Variants in TMEM181 observed in about 807,000 individuals in gnomAD.
TMEM181 encodes the protein G protein-coupled receptor 178.
In TMEM181, 39 loss-of-function variants were observed where a neutral mutation model predicts 71.9. That is an observed-to-expected ratio of 0.54 (90% confidence interval 0.42 to 0.71). The LOEUF is 0.71. Ranked by LOEUF, TMEM181 falls within the 30% of genes least tolerant of loss-of-function variation. The pLI is 0.00. For synonymous variants in TMEM181, 245 were observed against 228.8 expected (o/e 1.07, Z -0.64); for missense variants, 595 against 583.0 (o/e 1.02, Z -0.21).
At chr6:158,608,216 C>T (rs1489422183) in intron 8 of TMEM181, 117 bp from the exon 9 acceptor site, 2 of 725,726 alleles carry the variant, frequency 2.8e-6, no homozygotes, top group African/African-American at 2.5e-5. Context: ...AGGTGCTGAC[C>T]CCGCAGAGGT....
chr6:158,552,051 T>A (rs1781738295), intron 1 of TMEM181, among the ~76,000 whole-genome samples: 1 of 152,198 alleles, frequency 6.6e-6, no homozygotes, highest in Non-Finnish European at 1.5e-5. Context: ...CACCGTGAAA[T>A]AATAGTTATT....
chr6:158,557,983 G>A (rs376089634), upstream of TMEM181, among the ~76,000 whole-genome samples: 21 of 152,216 alleles, frequency 1.4e-4, no homozygotes, highest in African/African-American at 5.1e-4. Context: ...CGAGTATGAC[G>A]GGAGAAGAGG....
At chr6:158,605,128 AAAAGTGTGTGTGT>A in intron 6 of TMEM181, 126 bp from the exon 7 acceptor site, 15 of 388,424 alleles carry the variant, frequency 3.9e-5, no homozygotes, top group African/African-American at 2.3e-4. Context: ...AAAAAAAAAA[AAAAGTGTGTGTGT>A]GTGTGTGTGT....
intron 1 of TMEM181, among the ~76,000 whole-genome samples, chr6:158,538,922 G>A (rs1781237320): frequency 6.6e-6 from 1 of 152,226 alleles, no homozygotes; most frequent in Non-Finnish European, 1.5e-5. Context: ...GAAGACCAGC[G>A]AGCCTGGAGC....
intron 1 of TMEM181, among the ~76,000 whole-genome samples, chr6:158,562,479 G>GTGT (rs57486358): frequency 1.8e-4 from 13 of 73,522 alleles, no homozygotes; most frequent in Middle Eastern, 0.014. Flanking sequence ...TGTGTGTCTT[G>GTGT]CTTGGCACGT....
chr6:158,566,170 C>T (rs1185490712), intron 1 of TMEM181, among the ~76,000 whole-genome samples: 2 of 151,994 alleles, frequency 1.3e-5, no homozygotes, highest in African/African-American at 4.8e-5. Flanking sequence ...GGCACAGGAC[C>T]AGGGGTTTGG....
At chr6:158,545,408 A>C (rs1324709471) in intron 1 of TMEM181, among the ~76,000 whole-genome samples, 1 of 152,270 alleles carries the variant, frequency 6.6e-6, no homozygotes, top group Non-Finnish European at 1.5e-5. Context: ...TCGCTGGAGC[A>C]GCGCTTGTTT....
intron 7 of TMEM181, 59 bp downstream of exon 7, chr6:158,605,406 T>C: frequency 1.3e-6 from 2 of 1,512,470 alleles, no homozygotes; most frequent in Non-Finnish European, 1.8e-6. Flanking sequence ...AGCTGGTTTA[T>C]GCAGTTAGGA....
chr6:158,559,642 C>T (rs749271293), upstream of TMEM181, among the ~76,000 whole-genome samples: 2 of 152,132 alleles, frequency 1.3e-5, no homozygotes, highest in Non-Finnish European at 2.9e-5. Context: ...AGGTTCCTGT[C>T]ATCATTCGGG....
intron 1 of TMEM181, among the ~76,000 whole-genome samples, chr6:158,561,952 C>G (rs73796503): frequency 0.093 from 14,174 of 152,196 alleles, 695 homozygotes; most frequent in Middle Eastern, 0.12. Context: ...GCGTCCTGGA[C>G]TTAGGTGACT....
intron 2 of TMEM181, among the ~76,000 whole-genome samples, 179 bp from the exon 3 acceptor site, chr6:158,580,761 C>G (rs1477588001): frequency 1.3e-5 from 2 of 152,060 alleles, no homozygotes; most frequent in African/African-American, 4.8e-5. Flanking sequence ...AGTGGATATT[C>G]TGTGTCTGTG....
chr6:158,605,304 T>G lies in TMEM181; in HGVS notation c.530T>G (p.Ile177Ser). ...AACCCTGCCTTCTCCCGGTTGGAAA[T>G]CTGGTTCCGGTTTTTCTTTGTGGTG... ...TYNPAFSRLE[I>S]WFRFFFVVLT... The change falls in exon 7 of 17, where the codon ATC (isoleucine) becomes AGC (serine). Residue 177 changes from isoleucine (I) to serine (S), a missense_variant. By Grantham distance (142) the Ile-to-Ser change is moderately radical (BLOSUM62 -2). Transcript: ENST00000684151. 1 of 1,614,108 alleles carries G rather than the reference T, an allele frequency of 6.2e-7. No individual in the cohort carries two copies.
intron 1 of TMEM181, among the ~76,000 whole-genome samples, chr6:158,546,072 A>G (rs1781517906): frequency 6.6e-6 from 1 of 152,226 alleles, no homozygotes; most frequent in East Asian, 1.9e-4. Context: ...GTATAAACCC[A>G]TGCTCTTCGG....
Position 158,573,455 on chromosome 6 carries a change from G to A in TMEM181, c.44G>A (p.Arg15His), listed in dbSNP as rs769640826. The change falls in exon 2 of 17, where the codon CGC becomes CAC. Residue 15 changes from arginine (R) to histidine (H), a missense_variant. Transcript: ENST00000684151. ...APMRLYTLSK[R>H]HFVLVFVVFF... ...ATGCGGCTCTACACGCTCTCCAAGC[G>A]CCACTTTGTCCTCGTGTTTGTCGTC... The A allele has an allele frequency of 6.2e-6, 10 of 1,600,906 alleles. No individual in the cohort carries two copies. Among genetic ancestry groups the A allele is most frequent in the East Asian group, 4.5e-5 (2 of 44,068 alleles).
intron 1 of TMEM181, among the ~76,000 whole-genome samples, chr6:158,560,815 CT>C (rs10708542): frequency 0.97 from 143,573 of 147,262 alleles, 70,011 homozygotes; most frequent in East Asian, 1. Context: ...TGACTTTGGG[CT>C]TTTTTTTTTT....
chr6:158,602,500 T>C (rs1333768336), intron 6 of TMEM181, among the ~76,000 whole-genome samples: 2 of 152,224 alleles, frequency 1.3e-5, no homozygotes, highest in African/African-American at 4.8e-5. Flanking sequence ...CGTGTGAGGG[T>C]TTCAGTTACT....
intron 1 of TMEM181, among the ~76,000 whole-genome samples, chr6:158,572,039 C>CT (rs1782881788): frequency 1.3e-5 from 2 of 152,236 alleles, no homozygotes; most frequent in African/African-American, 4.8e-5. Flanking sequence ...GCCACCTATT[C>CT]TTTATTTCTT....
At chr6:158,547,533 T>A (rs986732504) in intron 1 of TMEM181, among the ~76,000 whole-genome samples, 2 of 152,226 alleles carry the variant, frequency 1.3e-5, no homozygotes, top group African/African-American at 4.8e-5. Flanking sequence ...AGGAGGAAAG[T>A]GCCACCAGGC....
chr6:158,560,159 G>C lies in TMEM181; in HGVS notation c.-66G>C. 35 of 983,264 alleles carry C rather than the reference G, an allele frequency of 3.6e-5. No homozygotes were observed. The highest frequency in any genetic ancestry group is 4.1e-5 in the Non-Finnish European group (34 of 828,200). The allele number at this position is 983,264 out of a possible 1,614,324, so 60.9% of individuals were successfully genotyped here. ...CTCCGGCTGCGGCTGCCGCTGCCGAGGCTGCTGCGCGGCGCCTGGCGGGCT... is the reference window on the plus strand; with the variant it reads ...CTCCGGCTGCGGCTGCCGCTGCCGACGCTGCTGCGCGGCGCCTGGCGGGCT... On this transcript the variant is annotated 5_prime_UTR_variant, in exon 1 of 17. Transcript: ENST00000684151.
Sources: allele counts gnomAD v4.1 joint callset (sites outside exome capture counted in the v4.1 genomes callset), GRCh38; gene constraint gnomAD v4.1.1; transcripts MANE v1.5; gene names NCBI Gene and HGNC (gene_info 2026-07-23, HGNC 2026-07-21).